The following RBM27 variants were observed in gnomAD, a reference collection of about 807,000 sequenced individuals.
RBM27 encodes the protein RNA-binding protein 27.
Under a neutral mutation model 135.3 loss-of-function variants are expected in RBM27, and 22 were observed. The observed-to-expected ratio is 0.16, with a 90% CI of 0.12 to 0.23. The LOEUF is 0.23. Among genes scored for constraint, RBM27 ranks in the 10% least tolerant of loss-of-function variants. The pLI is 1.00. For missense variants in RBM27, 1,009 were observed against 1,281.0 expected (o/e 0.79, Z 3.24); for synonymous variants, 481 against 442.4 (o/e 1.09, Z -1.10).
intron 1 of RBM27, among the ~76,000 whole-genome samples, 178 bp from the exon 2 acceptor site, chr5:146,218,807 C>G (rs1299912128): frequency 6.6e-6 from 1 of 152,108 alleles, no homozygotes; most frequent in African/African-American, 2.4e-5. Context: ...GAAATAAATG[C>G]AAAAGGAAAA....
intron 2 of RBM27, among the ~76,000 whole-genome samples, chr5:146,221,347 A>G (rs1290570918): frequency 1.3e-5 from 2 of 152,218 alleles, no homozygotes; most frequent in South Asian, 4.1e-4. Context: ...AACTTTGTGC[A>G]TATGGTCTAT....
chr5:146,255,550 A>G (rs1194371360), intron 10 of RBM27, among the ~76,000 whole-genome samples: 2 of 152,254 alleles, frequency 1.3e-5, no homozygotes, highest in Non-Finnish European at 2.9e-5. Context: ...TTATAATTAC[A>G]TCTTTAAGTT....
rs1456744801 is a variant in RBM27 at position 146,237,420 on chromosome 5, A to G, written c.1267A>G (p.Thr423Ala). 2 of 1,613,902 alleles carry G rather than the reference A, an allele frequency of 1.2e-6. No homozygotes were observed. Among genetic ancestry groups the G allele is most frequent in the Non-Finnish European group, 1.7e-6 (2 of 1,179,916 alleles). ...PPPLPQNLLY[T>A]VSERQPMYSR... is the part of the protein sequence containing the mutation. ...TCCTTTACCCCAGAACCTCCTTTAC[A>G]CAGTATCAGAACGTAAGTACATGTT... is the stretch of plus-strand genomic sequence containing the variant. The change falls in exon 8 of 21, where the codon ACA (threonine) becomes GCA (alanine). Residue 423 changes from threonine (T) to alanine (A), a missense_variant. Thr to Ala is a moderately conservative substitution (Grantham distance 58). This residue lies in a region of RBM27 where 329 missense variants were observed against 368.1 expected (regional missense o/e 0.89). Coordinates refer to ENST00000265271, the MANE Select transcript of RBM27 (RefSeq NM_018989.2).
intron 19 of RBM27, among the ~76,000 whole-genome samples, chr5:146,273,570 A>G (rs1241063032): frequency 6.6e-6 from 1 of 152,188 alleles, no homozygotes; most frequent in Non-Finnish European, 1.5e-5. Flanking sequence ...CTTCCCTGAT[A>G]ATAACTACCT....
chr5:146,228,775 A>G (rs1401182069), intron 3 of RBM27, among the ~76,000 whole-genome samples, 171 bp from the exon 4 acceptor site: 2 of 151,734 alleles, frequency 1.3e-5, no homozygotes, highest in African/African-American at 4.8e-5. Flanking sequence ...CAGCTAACTT[A>G]TTTTATTTAT....
In RBM27 at chr5:146,258,520, C is replaced by T; in HGVS notation, c.1666C>T (p.Leu556Phe). ...TAATAGCAACATAACCAGAGTAGTT[C>T]TTGAACCAGATAGTCGAAAAAGAGC... ...SINSNITRVV[L>F]EPDSRKRAMS... The change falls in exon 11 of 21, where the codon CTT becomes TTT. Residue 556 changes from leucine (L) to phenylalanine (F), a missense_variant. Leu to Phe is a conservative substitution (Grantham distance 22, BLOSUM62 0). Around this residue, in one of 6 missense-constraint regions of RBM27, gnomAD observed 329 missense variants for 368.1 expected, o/e 0.89. Transcript: ENST00000265271. 6.2e-7 allele frequency: 1 copy of T among 1,603,050 alleles called. No homozygotes were observed. Among genetic ancestry groups the T allele is most frequent in the East Asian group, 2.3e-5 (1 of 44,030 alleles).
At chr5:146,225,237 C>T (rs1756621344) in intron 3 of RBM27, among the ~76,000 whole-genome samples, 1 of 152,046 alleles carries the variant, frequency 6.6e-6, no homozygotes, top group African/African-American at 2.4e-5. Context: ...GCTGGGAGTA[C>T]AGGCATGAGC....
At chr5:146,280,966 TC>T (rs2126914869) in intron 19 of RBM27, among the ~76,000 whole-genome samples, 1 of 152,208 alleles carries the variant, frequency 6.6e-6, no homozygotes, top group African/African-American at 2.4e-5. Flanking sequence ...CAAGTGATTA[TC>T]TTGCCTCAGC....
chr5:146,232,947 TCTA>T (rs1757001381), intron 6 of RBM27, among the ~76,000 whole-genome samples: 1 of 152,222 alleles, frequency 6.6e-6, no homozygotes, highest in African/African-American at 2.4e-5. Context: ...CTATTATTTT[TCTA>T]CTATGTACAG....
chr5:146,257,109 G>A (rs1758137603), intron 10 of RBM27, among the ~76,000 whole-genome samples: 1 of 152,310 alleles, frequency 6.6e-6, no homozygotes, highest in South Asian at 2.1e-4. Flanking sequence ...TTGCTGAGCT[G>A]TAAAATAGCT....
intron 19 of RBM27, among the ~76,000 whole-genome samples, chr5:146,279,109 A>C (rs1759220082): frequency 6.6e-6 from 1 of 152,148 alleles, no homozygotes; most frequent in African/African-American, 2.4e-5. Context: ...TAGGTACTGT[A>C]ATAAGTAACA....
intron 20 of RBM27, among the ~76,000 whole-genome samples, chr5:146,285,396 C>T (rs780619036): frequency 3.3e-5 from 5 of 152,042 alleles, no homozygotes; most frequent in Non-Finnish European, 5.9e-5. Context: ...TAATTTTACA[C>T]AGCAAAAGCA....
intron 1 of RBM27, among the ~76,000 whole-genome samples, chr5:146,206,770 C>T (rs984398604): frequency 4.6e-5 from 7 of 151,264 alleles, no homozygotes; most frequent in African/African-American, 1.7e-4. Flanking sequence ...TTAGTAGAGA[C>T]GGGGGTGTCA....
intron 9 of RBM27, among the ~76,000 whole-genome samples, chr5:146,252,532 T>G (rs1046213105): frequency 6.6e-6 from 1 of 152,248 alleles, no homozygotes; most frequent in African/African-American, 2.4e-5. Context: ...TTTAAAACTT[T>G]CTGCAGTCTT....
Position 146,286,113 on chromosome 5 carries a change from C to A in RBM27, c.*83C>A. On this transcript the variant is annotated 3_prime_UTR_variant, in exon 21 of 21. Coordinates refer to ENST00000265271, the MANE Select transcript of RBM27 (RefSeq NM_018989.2). ...AATTATTTAAAAGAAGTCAATGAGC[C>A]AAAAAAAATTTTTTTATTTTTCTTT... The A allele has an allele frequency of 7.6e-7, 1 of 1,308,320 alleles. No homozygotes were observed. The highest frequency in any genetic ancestry group is 1.1e-6 in the Non-Finnish European group (1 of 950,128). 81.0% of individuals were successfully genotyped at this position (1,308,320 alleles called of 1,614,324 possible).
intron 7 of RBM27, among the ~76,000 whole-genome samples, chr5:146,235,468 A>T (rs1757118412): frequency 6.6e-6 from 1 of 151,866 alleles, no homozygotes; most frequent in Non-Finnish European, 1.5e-5. Context: ...GTGTGGGAGG[A>T]TTGCTTGAAC....
rs1240813017 is a variant in RBM27, at chr5:146,237,516, GTAAA to G, written c.1279+87_1279+90del. On this transcript the variant is annotated intron_variant, in intron 8 of 20. Coordinates refer to ENST00000265271, the MANE Select transcript of RBM27 (RefSeq NM_018989.2). ...TATCAGTATAACCCTTTAAAAAATG[GTAAA>G]TAGTTTCTGTTCTTATGGATTCTAA... 18 of 1,420,524 alleles carry G rather than the reference GTAAA, an allele frequency of 1.3e-5. No homozygotes were observed. In the South Asian group the frequency reaches 1.8e-4, roughly 14 times the overall value. The allele number at this position is 1,420,524 out of a possible 1,614,324, so 88.0% of individuals were successfully genotyped here. A position where few individuals can be genotyped will look rare whatever the true frequency, so the allele number is the denominator to read the frequency against.
At chr5:146,255,917 G>A (rs1224652459) in intron 10 of RBM27, among the ~76,000 whole-genome samples, 2 of 150,040 alleles carry the variant, frequency 1.3e-5, no homozygotes, top group South Asian at 2.1e-4. Flanking sequence ...GTGCAGTGGC[G>A]TGATCCTGAC....
Position 146,260,893 on chromosome 5 carries a change from A to G in RBM27, c.1888A>G (p.Ile630Val). ...CAGCAAATTTGGAACTATTGTTAAT[A>G]TCCAGGTAAATGTGGCTATGTCAGT... ...HFSKFGTIVN[I>V]QVAFKGDPEA... Residue 630 changes from isoleucine (I) to valine (V), a missense_variant, in exon 12 of 21, where the codon ATC becomes GTC. Around this residue, in one of 6 missense-constraint regions of RBM27, gnomAD observed 34 missense variants for 82.8 expected, o/e 0.41. Coordinates refer to ENST00000265271, the MANE Select transcript of RBM27 (RefSeq NM_018989.2). The G allele has an allele frequency of 6.2e-7, 1 of 1,608,200 alleles. No individual in the cohort carries two copies. The highest frequency in any genetic ancestry group is 8.5e-7 in the Non-Finnish European group (1 of 1,178,374).
Sources: allele counts gnomAD v4.1 joint callset (sites outside exome capture counted in the v4.1 genomes callset), GRCh38; gene constraint gnomAD v4.1.1; regional missense constraint gnomAD v4.1.1; transcripts MANE v1.5; gene names NCBI Gene and HGNC (gene_info 2026-07-23, HGNC 2026-07-21).